Variants in LRP2 observed in about 807,000 individuals in gnomAD.
LRP2 encodes LDL receptor related protein 2.
Under a neutral mutation model 531.0 loss-of-function variants are expected in LRP2, and 172 were observed. That is an observed-to-expected ratio of 0.32 (90% CI 0.29 to 0.37). LRP2 has a LOEUF of 0.37. Among genes scored for constraint, LRP2 ranks in the 10% least tolerant of loss-of-function variants. LRP2 has a pLI of 1.00. For synonymous variants in LRP2, 1,992 were observed against 2,027.6 expected (o/e 0.98, Z 0.47); for missense variants, 5,167 against 5,868.3 (o/e 0.88, Z 3.90).
chr2:169,208,106 G>T (rs1157515520), intron 38 of LRP2, among the ~76,000 whole-genome samples: 1 of 152,116 alleles, frequency 6.6e-6, no homozygotes, highest in Non-Finnish European at 1.5e-5. Flanking sequence ...TTTCTGTAAA[G>T]GGCCACATAA....
At chr2:169,132,472 G>A (rs939477723) in intron 77 of LRP2, 102 bp downstream of exon 77, 2 of 761,720 alleles carry the variant, frequency 2.6e-6, no homozygotes, top group Admixed American at 3.6e-5. Flanking sequence ...TGAGATCTTT[G>A]AGCCTTCCAG....
chr2:169,349,973 G>T (rs1314374823), intron 1 of LRP2, among the ~76,000 whole-genome samples: 2 of 152,196 alleles, frequency 1.3e-5, no homozygotes, highest in African/African-American at 2.4e-5. Flanking sequence ...TTCTAAAAAA[G>T]TTGCTACAGC....
intron 17 of LRP2, 117 bp from the exon 18 acceptor site, chr2:169,257,366 A>C: frequency 9.4e-7 from 1 of 1,067,436 alleles, no homozygotes; most frequent in South Asian, 1.3e-5. Context: ...TTTTCTTTAT[A>C]TGCTATTGAA....
Position 169,129,056 on chromosome 2 carries a change from T to C in LRP2, c.13757A>G (p.Lys4586Arg), listed in dbSNP as rs573151646. Residue 4586 changes from lysine to arginine, a missense_variant, in exon 78 of 79, where the codon AAA becomes AGA. Lys to Arg is a conservative substitution (Grantham distance 26). This residue lies in a region of LRP2 where 348 missense variants were observed against 369.3 expected (regional missense o/e 0.94). Transcript: ENST00000649046. ...QVTKWNLFKR[K>R]SKQTTNFENP... ...TTCAAAGTTGGTAGTTTGTTTAGAT[T>C]TTCGTTTGAAGAGATTCCATTTTGT... The C allele has an allele frequency of 1.9e-6, 3 of 1,612,456 alleles. No individual in the cohort carries two copies. The highest frequency in any genetic ancestry group is 2.7e-5 in the African/African-American group (2 of 75,016).
chr2:169,203,005 C>A (rs764554711), intron 42 of LRP2, 46 bp from the exon 43 acceptor site: 9 of 1,525,290 alleles, frequency 5.9e-6, no homozygotes, highest in African/African-American at 1.4e-5. Flanking sequence ...GATGCAGCCA[C>A]CGTTCACATT....
At chr2:169,161,015 A>G (rs189947415) in intron 63 of LRP2, among the ~76,000 whole-genome samples, 2 of 152,368 alleles carry the variant, frequency 1.3e-5, no homozygotes, top group Non-Finnish European at 2.9e-5. Flanking sequence ...AGAAGTTGAA[A>G]GCACATGGAG....
intron 21 of LRP2, 83 bp from the exon 22 acceptor site, chr2:169,245,015 A>G: frequency 6.7e-7 from 1 of 1,499,880 alleles, no homozygotes; most frequent in Non-Finnish European, 9.3e-7. Context: ...GGCTCAGTTC[A>G]CCTTTTTTAA....
chr2:169,338,392 G>GAAAC (rs1298952046), intron 1 of LRP2, among the ~76,000 whole-genome samples: 2 of 123,088 alleles, frequency 1.6e-5, no homozygotes, highest in Admixed American at 1.6e-4. Context: ...AAGAAAGAAA[G>GAAAC]AAAGAAAGAA....
chr2:169,156,023 T>C (rs576637114), intron 65 of LRP2, among the ~76,000 whole-genome samples: 15 of 152,278 alleles, frequency 9.9e-5, no homozygotes, highest in Admixed American at 4.6e-4. Context: ...AAATCCATTA[T>C]AATAAGTAAC....
intron 61 of LRP2, among the ~76,000 whole-genome samples, chr2:169,166,778 G>A (rs753663926): frequency 5.9e-5 from 9 of 152,168 alleles, no homozygotes; most frequent in Non-Finnish European, 1.0e-4. Flanking sequence ...TCCCCTACTT[G>A]TTTGGTACAG....
chr2:169,171,197 G>A (rs905170336), intron 58 of LRP2, among the ~76,000 whole-genome samples: 1 of 152,234 alleles, frequency 6.6e-6, no homozygotes, highest in East Asian at 1.9e-4. Context: ...ACTGATATTT[G>A]CAGGTGTAGT....
intron 76 of LRP2, among the ~76,000 whole-genome samples, chr2:169,134,431 A>T (rs1394547490): frequency 1.3e-5 from 2 of 151,786 alleles, no homozygotes; most frequent in Non-Finnish European, 2.9e-5. Flanking sequence ...ACCACACCTG[A>T]CCCCCATGAC....
At chr2:169,256,391 T>A (rs1423267684) in intron 18 of LRP2, among the ~76,000 whole-genome samples, 155 bp from the exon 19 acceptor site, 1 of 152,152 alleles carries the variant, frequency 6.6e-6, no homozygotes, top group Non-Finnish European at 1.5e-5. Flanking sequence ...AACAGTTTTA[T>A]GTCCCCCAGA....
chr2:169,255,513 G>A (rs1284387297), intron 19 of LRP2, among the ~76,000 whole-genome samples: 1 of 132,692 alleles, frequency 7.5e-6, no homozygotes, highest in Non-Finnish European at 1.6e-5. Context: ...GAAATTATTT[G>A]GAAAGGTTGA....
intron 52 of LRP2, among the ~76,000 whole-genome samples, chr2:169,179,079 G>A (rs182379896): frequency 6.6e-6 from 1 of 151,658 alleles, no homozygotes; most frequent in Admixed American, 6.6e-5. Context: ...GCACAATGTT[G>A]GCTCACTGCA....
intron 54 of LRP2, 44 bp from the exon 55 acceptor site, chr2:169,175,433 G>A (rs1449916823): frequency 6.4e-7 from 1 of 1,569,596 alleles, no homozygotes. Context: ...AGCACCAGGG[G>A]CAACAGTTAT....
intron 7 of LRP2, among the ~76,000 whole-genome samples, chr2:169,291,501 C>CT (rs1478947335): frequency 6.6e-6 from 1 of 152,172 alleles, no homozygotes; most frequent in Non-Finnish European, 1.5e-5. Context: ...AAGCATTTCC[C>CT]TTATCATACC....
intron 25 of LRP2, 37 bp from the exon 26 acceptor site, chr2:169,239,812 C>T: frequency 6.4e-7 from 1 of 1,569,926 alleles, no homozygotes; most frequent in Non-Finnish European, 8.8e-7. Flanking sequence ...AAAAGAAAAT[C>T]AAGAATCTTT....
At chr2:169,312,669 C>G (rs1282886511) in intron 3 of LRP2, among the ~76,000 whole-genome samples, 2 of 152,158 alleles carry the variant, frequency 1.3e-5, no homozygotes, top group Non-Finnish European at 2.9e-5. Context: ...GTGAATCTGA[C>G]AATTACGTGT....
Sources: gnomAD v4.1 joint callset for allele counts (sites outside exome capture counted in the v4.1 genomes callset) on GRCh38, gnomAD v4.1.1 for gene constraint, gnomAD v4.1.1 regional missense constraint, MANE v1.5 for transcripts, NCBI Gene and HGNC (gene_info 2026-07-23, HGNC 2026-07-21) for gene names.